PCNX4: variants seen among roughly 807,000 people sequenced by gnomAD.
PCNX4 encodes the protein pecanex 4.
PCNX4 carries 103 observed loss-of-function variants against 107.2 expected under a neutral mutation model. The observed-to-expected ratio is 0.96, with a 90% confidence interval of 0.82 to 1.13. The LOEUF is 1.13. PCNX4 is among the 50% of genes most tolerant of loss of function. The pLI, the probability that PCNX4 is intolerant of heterozygous loss-of-function variation, is 0.00. For missense variants in PCNX4, 1,528 were observed against 1,379.4 expected (o/e 1.11, Z -1.71); for synonymous variants, 541 against 481.7 (o/e 1.12, Z -1.61).
chr14:60,103,582 G>A (rs1220718981), intron 1 of PCNX4, among the ~76,000 whole-genome samples: 2 of 152,114 alleles, frequency 1.3e-5, no homozygotes, highest in African/African-American at 4.8e-5. Context: ...CTTCTTGAGG[G>A]AACATACATT....
intron 8 of PCNX4, among the ~76,000 whole-genome samples, chr14:60,123,359 C>T (rs1566517449): frequency 6.6e-6 from 1 of 151,998 alleles, no homozygotes; most frequent in Non-Finnish European, 1.5e-5. Context: ...ACCATATACA[C>T]TAGGATTATT....
chr14:60,118,981 C>T (rs1156753951), intron 7 of PCNX4, among the ~76,000 whole-genome samples: 2 of 152,084 alleles, frequency 1.3e-5, no homozygotes, highest in African/African-American at 2.4e-5. Context: ...AATGCACCAT[C>T]GAAACATGGA....
intron 1 of PCNX4, among the ~76,000 whole-genome samples, chr14:60,101,710 TAAAA>T (rs1239504890): frequency 2.6e-5 from 4 of 152,034 alleles, no homozygotes; most frequent in African/African-American, 2.4e-5. Flanking sequence ...AAAAAATAAT[TAAAA>T]AAAGAGCTAC....
intron 6 of PCNX4, among the ~76,000 whole-genome samples, chr14:60,117,788 A>G (rs976635504): frequency 5.3e-5 from 8 of 152,056 alleles, no homozygotes; most frequent in Admixed American, 1.3e-4. Context: ...ATACTCTTCT[A>G]TTTTCTGGTA....
At chr14:60,133,269 C>T (rs576677187) in intron 10 of PCNX4, among the ~76,000 whole-genome samples, 23 of 152,156 alleles carry the variant, frequency 1.5e-4, no homozygotes, top group African/African-American at 4.3e-4. Flanking sequence ...AAAAGGAATA[C>T]GGTACTGATA....
rs912533453 is a variant in PCNX4, at chr14:60,118,421, A to G, written c.1671A>G (p.Gln557=). ...VLLTSWTEKK[Q]RRKTTATLCI... ...TGACATCATGGACAGAGAAAAAACA[A>G]CGTCGAAAAACAACTGCCACTTTAT... Residue 557 remains glutamine (Q), a synonymous_variant, in exon 7 of 11, where the codon CAA becomes CAG. Coordinates refer to ENST00000406854, the MANE Select transcript of PCNX4 (RefSeq NM_001330177.2). 18 of 1,613,458 alleles carry G rather than the reference A, an allele frequency of 1.1e-5. No individual in the cohort carries two copies. Among genetic ancestry groups the G allele is most frequent in the Non-Finnish European group, 1.4e-5 (16 of 1,179,698 alleles).
At chr14:60,094,912 T>A in intron 1 of PCNX4, among the ~76,000 whole-genome samples, 1 of 152,320 alleles carries the variant, frequency 6.6e-6, no homozygotes, top group South Asian at 2.1e-4. Context: ...CTCAGGTTTT[T>A]TTGTAAAATA....
rs1039332842 is a variant in PCNX4, at chr14:60,091,992, CAGTGCG to C, written c.-478_-473del. 1 of 152,434 alleles carries C rather than the reference CAGTGCG, an allele frequency of 6.6e-6. No individual in the cohort carries two copies. The highest frequency in any genetic ancestry group is 2.4e-5 in the African/African-American group (1 of 41,470). The allele number at this position is 152,434 out of a possible 1,614,324, so 9.4% of individuals were successfully genotyped here. The stretch of plus-strand genomic sequence containing the variant: ...TCCCCGCTGCTGCTTCTGCTAGGCC[CAGTGCG>C]AGACCAGAGCACGAGCGACTCCCGT... On this transcript the variant is annotated 5_prime_UTR_variant, in exon 1 of 11. Transcript: ENST00000406854.
chr14:60,100,497 C>T (rs965119958), intron 1 of PCNX4, among the ~76,000 whole-genome samples: 24 of 152,146 alleles, frequency 1.6e-4, no homozygotes, highest in Admixed American at 1.3e-4. Flanking sequence ...TGGGGTTTTG[C>T]CCTGTTGGCC....
At position 60,127,438 on chromosome 14, in the gene PCNX4, GAACACTT is replaced by G. The variant is rs58334563; in HGVS notation, c.3267+1620_3267+1626del. Among the ~76,000 whole-genome samples, 441 of 152,278 alleles carry G rather than the reference GAACACTT, an allele frequency of 2.9e-3. 2 individuals carry two copies. Among genetic ancestry groups the G allele is most frequent in the African/African-American group, 0.01 (423 of 41,542 alleles). ...TCAGTGGAGCTTAATAGCTGGGTATGAACACTTAACAGACAAGATAGCCGTGCCAAAA... is the reference window on the plus strand; with the variant it reads ...TCAGTGGAGCTTAATAGCTGGGTATGAACAGACAAGATAGCCGTGCCAAAA... On this transcript the variant is annotated intron_variant, in intron 10 of 10. Transcript: ENST00000406854.
chr14:60,135,258 CAGTTA>C lies in PCNX4; in HGVS notation c.*1042_*1046del, dbSNP rs1480574842. ...ATCATTCAAATTATATGAAATGTAC[CAGTTA>C]AGTTGTTATTAGTATTCCATTTATT... On this transcript the variant is annotated 3_prime_UTR_variant, in exon 11 of 11. Coordinates refer to ENST00000406854, the MANE Select transcript of PCNX4 (RefSeq NM_001330177.2). 4 of 152,020 alleles carry C rather than the reference CAGTTA, an allele frequency of 2.6e-5. No homozygotes were observed. Among genetic ancestry groups the C allele is most frequent in the Non-Finnish European group, 2.9e-5 (2 of 68,000 alleles). The allele number at this position is 152,020 out of a possible 1,614,324, so 9.4% of individuals were successfully genotyped here. A position where few individuals can be genotyped will look rare whatever the true frequency, so the allele number is the denominator to read the frequency against.
rs1409913165 is a variant in PCNX4 at position 60,121,303 on chromosome 14, A to G, written c.2046+4A>G. 1.4e-5 allele frequency: 23 copies of G among 1,607,616 alleles called. No individual in the cohort carries two copies. Among genetic ancestry groups the G allele is most frequent in the Non-Finnish European group, 1.9e-5 (22 of 1,177,232 alleles). ...TTACTGCTCTATTAACATTAAGGTC[A>G]GTGTGCATATAAAACATCTGTAGTA... On this transcript the variant is annotated splice_donor_region_variant and intron_variant, in intron 8 of 10. Coordinates refer to ENST00000406854, the MANE Select transcript of PCNX4 (RefSeq NM_001330177.2).
chr14:60,134,453 G>T lies in PCNX4; in HGVS notation c.*232G>T. 4.3e-6 allele frequency: 2 copies of T among 467,326 alleles called. No homozygotes were observed. The highest frequency in any genetic ancestry group is 2.0e-5 in the African/African-American group (1 of 50,780). 28.9% of individuals were successfully genotyped at this position (467,326 alleles called of 1,614,324 possible). A position where few individuals can be genotyped will look rare whatever the true frequency, so the allele number is the denominator to read the frequency against. ...TATTTGGCCAATATTTGTGCCCTCT[G>T]GACTTTAGTAGGCTTTGGTAAATGT... On this transcript the variant is annotated 3_prime_UTR_variant, in exon 11 of 11. Coordinates refer to ENST00000406854, the MANE Select transcript of PCNX4 (RefSeq NM_001330177.2).
In PCNX4 at chr14:60,118,583, A is replaced by G. The variant is rs1895897581; in HGVS notation, c.1833A>G (p.Pro611=). 6.8e-6 allele frequency: 11 copies of G among 1,613,796 alleles called. No homozygotes were observed. The highest frequency in any genetic ancestry group is 9.3e-6 in the Non-Finnish European group (11 of 1,179,856). ...TTCCCCGACCTATTCAGAGTTGGCC[A>G]GGAGCAGCAGGCACCACAGCCTGTG... is the stretch of plus-strand genomic sequence containing the variant. ...VGFPRPIQSW[P]GAAGTTACVC... is the part of the protein sequence containing the mutation. The change falls in exon 7 of 11, where the codon CCA becomes CCG. Residue 611 remains proline (P), a synonymous_variant. Coordinates refer to ENST00000406854, the MANE Select transcript of PCNX4 (RefSeq NM_001330177.2).
At chr14:60,104,975 C>G (rs1411433910) in intron 1 of PCNX4, among the ~76,000 whole-genome samples, 1 of 152,254 alleles carries the variant, frequency 6.6e-6, no homozygotes, top group South Asian at 2.1e-4. Context: ...ATCCTTTATT[C>G]AAAATCCTTG....
intron 8 of PCNX4, among the ~76,000 whole-genome samples, chr14:60,123,422 G>C (rs1895990709): frequency 1.3e-5 from 2 of 152,080 alleles, no homozygotes; most frequent in Admixed American, 1.3e-4. Flanking sequence ...ACCTGCTCAA[G>C]TTCTTGCCAG....
chr14:60,105,060 C>G (rs1188408340), intron 1 of PCNX4, among the ~76,000 whole-genome samples: 1 of 152,004 alleles, frequency 6.6e-6, no homozygotes, highest in Non-Finnish European at 1.5e-5. Flanking sequence ...ATTATGCATT[C>G]GAAATCCAAA....
In PCNX4 at chr14:60,124,860, AT is replaced by A; in HGVS notation, c.2691del (p.Pro898LeufsTer12). On this transcript the variant is annotated frameshift_variant, in exon 9 of 11. Coordinates refer to ENST00000406854, the MANE Select transcript of PCNX4 (RefSeq NM_001330177.2). LOFTEE classifies it high-confidence loss of function. ...DKGKQEDMPY[I>X]PLMEFSCSHS... ...AGGAAAACAAGAGGACATGCCATAT[AT>A]TCCTCTCATGGAGTTCAGTTGTTCA... 1 of 1,613,802 alleles carries A rather than the reference AT, an allele frequency of 6.2e-7. No homozygotes were observed. The highest frequency in any genetic ancestry group is 8.5e-7 in the Non-Finnish European group (1 of 1,179,784).
At position 60,103,394 on chromosome 14, in the gene PCNX4, A is replaced by T. The variant is rs1044076601; in HGVS notation, c.-53-4192A>T. Among the ~76,000 whole-genome samples, 5 of 152,334 alleles carry T rather than the reference A, an allele frequency of 3.3e-5. No individual in the cohort carries two copies. The East Asian group carries it at 5.8e-4, about 18-fold the overall frequency. Reference sequence around the variant, plus strand: ...AGATCTCAAAGGCTTTAGTCTGCTGATATCCATTGTGACTCTTCAAGATGA... The same window carrying T: ...AGATCTCAAAGGCTTTAGTCTGCTGTTATCCATTGTGACTCTTCAAGATGA... On this transcript the variant is annotated intron_variant, in intron 1 of 10. Coordinates refer to ENST00000406854, the MANE Select transcript of PCNX4 (RefSeq NM_001330177.2).
Sources: allele counts gnomAD v4.1 joint callset (sites outside exome capture counted in the v4.1 genomes callset), GRCh38; gene constraint gnomAD v4.1.1; transcripts MANE v1.5; gene names NCBI Gene and HGNC (gene_info 2026-07-23, HGNC 2026-07-21).